The following TRAPPC12 variants were observed in gnomAD, a reference collection of about 807,000 sequenced individuals.
TRAPPC12 encodes the protein trafficking protein particle complex subunit 12.
TRAPPC12 carries 61 observed loss-of-function variants against 69.2 expected under a neutral mutation model. The observed-to-expected ratio is 0.88, with a 90% CI of 0.72 to 1.09. The LOEUF (loss-of-function observed/expected upper bound fraction) is 1.09. TRAPPC12 is among the 50% of genes least tolerant of loss of function. The pLI is 0.00. For missense variants in TRAPPC12, 1,101 were observed against 1,016.4 expected (o/e 1.08, Z -1.13); for synonymous variants, 469 against 438.9 (o/e 1.07, Z -0.86).
chr2:3,392,253 CTT>C (rs750037049), intron 2 of TRAPPC12, among the ~76,000 whole-genome samples: 4 of 151,824 alleles, frequency 2.6e-5, no homozygotes, highest in Non-Finnish European at 2.9e-5. Flanking sequence ...ATCCGAATGA[CTT>C]GTGTGTTCAC....
At chr2:3,380,644 T>A (rs913328954) in intron 1 of TRAPPC12, among the ~76,000 whole-genome samples, 3 of 152,176 alleles carry the variant, frequency 2.0e-5, no homozygotes, top group African/African-American at 7.2e-5. Flanking sequence ...AGTCCCGTCT[T>A]GGGATTGGGG....
chr2:3,422,100 A>G, intron 4 of TRAPPC12, 106 bp downstream of exon 4: 1 of 830,064 alleles, frequency 1.2e-6, no homozygotes, highest in South Asian at 1.7e-5. Context: ...ATGTTTTCAT[A>G]TCCTGCTTCT....
At chr2:3,417,872 A>G (rs6707614) in intron 3 of TRAPPC12, among the ~76,000 whole-genome samples, 45,038 of 128,662 alleles carry the variant, frequency 0.35, 7,136 homozygotes, top group Middle Eastern at 0.45. Flanking sequence ...GCGAAACCCC[A>G]TCTCTACTAA....
Position 3,418,618 on chromosome 2 carries a change from A to G in TRAPPC12, c.1165-3263A>G, listed in dbSNP as rs368662114. 2.4e-3 allele frequency among the ~76,000 whole-genome samples: 364 copies of G among 152,194 alleles called. 7 individuals carry two copies. Among genetic ancestry groups the G allele is most frequent in the African/African-American group, 8.5e-3 (351 of 41,508 alleles). On this transcript the variant is annotated intron_variant, in intron 3 of 11. Transcript: ENST00000324266. ...TTCCATGGTAGCACAGAACCTTATC[A>G]CCGTGCAGGTGCACACGAGGCTGGG...
chr2:3,388,673 G>A lies in TRAPPC12; in HGVS notation c.1047+3G>A. The stretch of plus-strand genomic sequence containing the variant: ...GCCTCAGGTTCGACAACATCCAGGT[G>A]AGCCCGGGTCTCCCACCTCCGCAGC... On this transcript the variant is annotated splice_donor_region_variant and intron_variant, in intron 2 of 11. Transcript: ENST00000324266. The A allele has an allele frequency of 1.3e-6, 2 of 1,540,064 alleles. No individual in the cohort carries two copies. The highest frequency in any genetic ancestry group is 1.8e-6 in the Non-Finnish European group (2 of 1,139,656).
At chr2:3,459,107 C>A (rs768844870) in intron 7 of TRAPPC12, among the ~76,000 whole-genome samples, 8 of 152,192 alleles carry the variant, frequency 5.3e-5, no homozygotes, top group Non-Finnish European at 1.0e-4. Flanking sequence ...TCACAGTGGA[C>A]GCTTGGTGCC....
chr2:3,380,609 A>G (rs1660162527), intron 1 of TRAPPC12, among the ~76,000 whole-genome samples: 1 of 152,230 alleles, frequency 6.6e-6, no homozygotes, highest in Non-Finnish European at 1.5e-5. Context: ...TCGCAAATTC[A>G]GAAGATAGTG....
chr2:3,467,156 C>G (rs1665852263), intron 9 of TRAPPC12, among the ~76,000 whole-genome samples: 1 of 152,208 alleles, frequency 6.6e-6, no homozygotes, highest in African/African-American at 2.4e-5. Flanking sequence ...ATTTAAGCCC[C>G]ATCTGGCGCA....
chr2:3,421,944 G>A lies in TRAPPC12; in HGVS notation c.1228G>A (p.Gly410Ser), dbSNP rs1180656472. The A allele has an allele frequency of 6.2e-7, 1 of 1,613,762 alleles. No individual in the cohort carries two copies. Among genetic ancestry groups the A allele is most frequent in the Admixed American group, 1.7e-5 (1 of 60,026 alleles). ...ACGTCTCCTCACAGCCCACGGCCAG[G>A]GCTACGGCAAGAGCGGGCTGCTCAC... ...CGRLLTAHGQ[G>S]YGKSGLLTSH... Residue 410 changes from glycine (G) to serine (S), a missense_variant, in exon 4 of 12, where the codon GGC becomes AGC. Gly to Ser is a moderately conservative substitution (Grantham distance 56). Coordinates refer to ENST00000324266, the MANE Select transcript of TRAPPC12 (RefSeq NM_016030.6).
At chr2:3,418,665 G>T (rs564196113) in intron 3 of TRAPPC12, among the ~76,000 whole-genome samples, 1 of 152,238 alleles carries the variant, frequency 6.6e-6, no homozygotes, top group East Asian at 1.9e-4. Flanking sequence ...TGTGAGCTCT[G>T]CCTACCAACT....
At chr2:3,429,249 A>G (rs1663291580) in intron 5 of TRAPPC12, among the ~76,000 whole-genome samples, 1 of 152,192 alleles carries the variant, frequency 6.6e-6, no homozygotes, top group Non-Finnish European at 1.5e-5. Flanking sequence ...GCTCCCTCAG[A>G]CTTCACACAT....
chr2:3,476,138 G>A (rs188460696), intron 9 of TRAPPC12, among the ~76,000 whole-genome samples: 6 of 152,316 alleles, frequency 3.9e-5, no homozygotes, highest in Middle Eastern at 3.4e-3. Context: ...TCAGTGTGTG[G>A]TGTGTGTGCA....
chr2:3,429,601 T>C (rs1396236747), intron 5 of TRAPPC12, among the ~76,000 whole-genome samples: 1 of 152,242 alleles, frequency 6.6e-6, no homozygotes, highest in African/African-American at 2.4e-5. Context: ...TCACTGTTGT[T>C]TCCAGATGGA....
Position 3,443,779 on chromosome 2 carries a change from G to C in TRAPPC12, c.1418G>C (p.Gly473Ala). 1 of 1,613,834 alleles carries C rather than the reference G, an allele frequency of 6.2e-7. No homozygotes were observed. The highest frequency in any genetic ancestry group is 8.5e-7 in the Non-Finnish European group (1 of 1,179,874). ...TCACTCAGCACTGATTGGATTCCAGGCTCCATGGTCCCCTTCTCGATGCGC... is the reference window on the plus strand; with the variant it reads ...TCACTCAGCACTGATTGGATTCCAGCCTCCATGGTCCCCTTCTCGATGCGC... Reference protein sequence around the residue: ...YYPHVYPGRRGSMVPFSMRIL... With the variant: ...YYPHVYPGRRASMVPFSMRIL... Residue 473 changes from glycine (G) to alanine (A), a missense_variant and splice_region_variant, in exon 6 of 12, where the codon GGC (glycine) becomes GCC (alanine). By Grantham distance (60) the Gly-to-Ala change is moderately conservative. Coordinates refer to ENST00000324266, the MANE Select transcript of TRAPPC12 (RefSeq NM_016030.6).
chr2:3,401,997 T>C (rs80157314), intron 3 of TRAPPC12, 104 bp downstream of exon 3: 16,065 of 805,366 alleles, frequency 0.02, 618 homozygotes, highest in East Asian at 0.16. Flanking sequence ...TATTCAAAGC[T>C]CTTGCACATA....
At chr2:3,429,565 A>G (rs1266214082) in intron 5 of TRAPPC12, among the ~76,000 whole-genome samples, 1 of 152,220 alleles carries the variant, frequency 6.6e-6, no homozygotes, top group Non-Finnish European at 1.5e-5. Flanking sequence ...TAGTTGAGGT[A>G]GAGTACTCTT....
chr2:3,418,233 A>G (rs1168582691), intron 3 of TRAPPC12, among the ~76,000 whole-genome samples: 1 of 118,772 alleles, frequency 8.4e-6, no homozygotes, highest in South Asian at 2.9e-4. Context: ...TGCACCATCA[A>G]TATAAATAAT....
intron 8 of TRAPPC12, among the ~76,000 whole-genome samples, chr2:3,461,861 C>T (rs1388760625): frequency 3.9e-5 from 6 of 152,206 alleles, no homozygotes; most frequent in Admixed American, 3.3e-4. Flanking sequence ...GCTTGGCCAG[C>T]AACCAGGTGA....
intron 4 of TRAPPC12, among the ~76,000 whole-genome samples, chr2:3,422,965 G>A (rs758266338): frequency 6.6e-6 from 1 of 152,240 alleles, no homozygotes; most frequent in Non-Finnish European, 1.5e-5. Flanking sequence ...TGTGCCCGGC[G>A]CAGTGGCGCA....
Sources: gnomAD v4.1 joint callset for allele counts (sites outside exome capture counted in the v4.1 genomes callset) on GRCh38, gnomAD v4.1.1 for gene constraint, MANE v1.5 for transcripts, NCBI Gene and HGNC (gene_info 2026-07-23, HGNC 2026-07-21) for gene names.